TAF4: variants seen among roughly 807,000 people sequenced by gnomAD.
The protein encoded by TAF4 is transcription initiation factor TFIID subunit 4.
Under a neutral mutation model 90.3 loss-of-function variants are expected in TAF4, and 9 were observed. The observed-to-expected ratio is 0.10, with a 90% confidence interval of 0.06 to 0.17. The LOEUF is 0.17. TAF4 is among the 10% of genes least tolerant of loss of function. The pLI, the probability that TAF4 is intolerant of heterozygous loss-of-function variation, is 1.00. For synonymous variants in TAF4, 818 were observed against 638.9 expected, an observed-to-expected ratio of 1.28 and a Z score of -4.23; for missense variants, 1,351 against 1,370.7, an observed-to-expected ratio of 0.99 and a Z score of 0.23.
At chr20:61,994,110 A>C (rs914937528) in intron 14 of TAF4, among the ~76,000 whole-genome samples, 2 of 152,188 alleles carry the variant, frequency 1.3e-5, no homozygotes, top group Non-Finnish European at 2.9e-5. Flanking sequence ...ATCCAGGAAA[A>C]AAAAAAAAGG....
rs1170276790 is a variant in TAF4, at chr20:62,065,395, G to A, written c.416C>T (p.Pro139Leu). ...PPEGSAGSCA[P>L]VPAAAAVAAG... is the part of the protein sequence containing the mutation. ...GGCGACGGCGGCGGCGGCGGGCACC[G>A]GGGCGCAGGACCCCGCGCTGCCCTC... Residue 139 changes from proline to leucine, a missense_variant, in exon 1 of 15, where the codon CCG becomes CTG. By Grantham distance (98) the Pro-to-Leu change is moderately conservative (BLOSUM62 -3). Coordinates refer to ENST00000252996, the MANE Select transcript of TAF4 (RefSeq NM_003185.4). 6.3e-5 allele frequency: 61 copies of A among 972,964 alleles called. No individual in the cohort carries two copies. The highest frequency in any genetic ancestry group is 7.4e-5 in the Non-Finnish European group (61 of 823,406). The allele number at this position is 972,964 out of a possible 1,614,324, so 60.3% of individuals were successfully genotyped here. A position where few individuals can be genotyped will look rare whatever the true frequency, so the allele number is the denominator to read the frequency against.
chr20:62,029,676 G>C (rs2055893897), intron 1 of TAF4, among the ~76,000 whole-genome samples: 1 of 152,308 alleles, frequency 6.6e-6, no homozygotes, highest in East Asian at 1.9e-4. Context: ...GGGAGGCCGA[G>C]GCAGGCGGAT....
chr20:61,981,155 TCC>T (rs1433419774), intron 14 of TAF4: 2 of 152,038 alleles, frequency 1.3e-5, no homozygotes, highest in Non-Finnish European at 2.9e-5. Flanking sequence ...GACCTGGACT[TCC>T]CCATGTGGCC....
At chr20:61,984,282 G>A (rs1161079531) in intron 14 of TAF4, among the ~76,000 whole-genome samples, 5 of 152,160 alleles carry the variant, frequency 3.3e-5, no homozygotes, top group African/African-American at 9.7e-5. Flanking sequence ...CGTGGGACAC[G>A]TGTGAGGCTG....
chr20:62,062,822 G>C (rs893612042), intron 1 of TAF4, among the ~76,000 whole-genome samples: 2 of 152,188 alleles, frequency 1.3e-5, no homozygotes, highest in African/African-American at 4.8e-5. Flanking sequence ...CTCAGAGCAA[G>C]AGGACCTGGC....
In TAF4 at chr20:62,034,288, G is replaced by A. The variant is rs911086243; in HGVS notation, c.1361-19581C>T. ...AGATCAATATCCAAAATTCAACTGC[G>A]ATTCAACACACTATCAAAGAAGAAT... On this transcript the variant is annotated intron_variant, in intron 1 of 14. Transcript: ENST00000252996. Among the ~76,000 whole-genome samples the A allele has an allele frequency of 5.3e-5, 8 of 152,282 alleles. No homozygotes were observed. The East Asian group carries it at 1.2e-3, about 22-fold the overall frequency.
chr20:62,049,832 T>C (rs2056016238), intron 1 of TAF4, among the ~76,000 whole-genome samples: 1 of 152,130 alleles, frequency 6.6e-6, no homozygotes, highest in Non-Finnish European at 1.5e-5. Flanking sequence ...CCTCAGTGTC[T>C]CGTCCCTAGG....
intron 14 of TAF4, among the ~76,000 whole-genome samples, chr20:61,993,670 G>A (rs1052460378): frequency 1.3e-5 from 2 of 152,212 alleles, no homozygotes; most frequent in African/African-American, 4.8e-5. Context: ...TTTGGAGGGA[G>A]GTAAAAGCAG....
chr20:62,060,363 G>A (rs904274913), intron 1 of TAF4, among the ~76,000 whole-genome samples: 4 of 152,252 alleles, frequency 2.6e-5, no homozygotes, highest in South Asian at 2.1e-4. Context: ...TGCAGTGCTC[G>A]GGCACAGTAA....
intron 14 of TAF4, among the ~76,000 whole-genome samples, chr20:61,978,630 C>CG (rs2055512830): frequency 6.8e-6 from 1 of 148,002 alleles, no homozygotes; most frequent in East Asian, 2.0e-4. Context: ...AGGCCGGGGG[C>CG]AAGACGAACC....
chr20:62,059,247 G>A (rs955627720), intron 1 of TAF4, among the ~76,000 whole-genome samples: 11 of 152,204 alleles, frequency 7.2e-5, no homozygotes, highest in African/African-American at 1.4e-4. Flanking sequence ...GACCAACAGC[G>A]GACACCAGGT....
intron 14 of TAF4, among the ~76,000 whole-genome samples, chr20:61,984,193 A>C (rs79449405): frequency 4.8e-4 from 73 of 152,258 alleles, no homozygotes; most frequent in African/African-American, 1.7e-3. Flanking sequence ...CACGTGCCTC[A>C]GCCCTACGCA....
At chr20:62,005,813 C>T (rs1266889996) in intron 7 of TAF4, 1 of 152,222 alleles carries the variant, frequency 6.6e-6, no homozygotes, top group Non-Finnish European at 1.5e-5. Flanking sequence ...CATACCAGCT[C>T]ATGATGAGGG....
At chr20:62,057,049 C>T (rs747975814) in intron 1 of TAF4, among the ~76,000 whole-genome samples, 7 of 152,180 alleles carry the variant, frequency 4.6e-5, no homozygotes, top group South Asian at 4.2e-4. Flanking sequence ...CACGCTCCTC[C>T]GCAGAAGACA....
At chr20:62,001,244 T>C (rs979270852) in intron 9 of TAF4, among the ~76,000 whole-genome samples, 15 of 152,150 alleles carry the variant, frequency 9.9e-5, no homozygotes, top group Non-Finnish European at 1.6e-4. Flanking sequence ...CCATGATGAA[T>C]GGCCCCTCCC....
In TAF4 at chr20:61,974,974, G is replaced by GT. The variant is rs538931348; in HGVS notation, c.*1193dup. ...TTTCCTAAAAGACAAAATAAAAGGTGTAACAGTTCTCAGGTGTTGATAAAA... is the reference window on the plus strand; with the variant it reads ...TTTCCTAAAAGACAAAATAAAAGGTGTTAACAGTTCTCAGGTGTTGATAAAA... On this transcript the variant is annotated 3_prime_UTR_variant, in exon 15 of 15. Coordinates refer to ENST00000252996, the MANE Select transcript of TAF4 (RefSeq NM_003185.4). This position sits in a 1 kb window ranked among gnomAD's most constrained non-coding sequence, Gnocchi z 4.1. 2.8e-4 allele frequency: 42 copies of GT among 152,516 alleles called. No individual in the cohort carries two copies. The East Asian group carries it at 5.8e-3, about 21-fold the overall frequency. 9.4% of individuals were successfully genotyped at this position (152,516 alleles called of 1,614,324 possible). A position where few individuals can be genotyped will look rare whatever the true frequency, so the allele number is the denominator to read the frequency against.
intron 1 of TAF4, among the ~76,000 whole-genome samples, chr20:62,062,963 C>T (rs1333558829): frequency 6.6e-6 from 1 of 152,220 alleles, no homozygotes; most frequent in Non-Finnish European, 1.5e-5. Flanking sequence ...CATAATAGAT[C>T]ACAGCCATCA....
chr20:62,014,133 C>A (rs914729320), intron 2 of TAF4, among the ~76,000 whole-genome samples: 2 of 151,862 alleles, frequency 1.3e-5, no homozygotes, highest in African/African-American at 4.8e-5. Flanking sequence ...ACTCTTGGTG[C>A]CTTAAAAGTC....
intron 1 of TAF4, among the ~76,000 whole-genome samples, chr20:62,033,027 G>A (rs2055912961): frequency 6.6e-6 from 1 of 152,294 alleles, no homozygotes; most frequent in African/African-American, 2.4e-5. Context: ...GAAAAAAAGA[G>A]GGGAGGCAGC....
Sources: allele counts gnomAD v4.1 joint callset (sites outside exome capture counted in the v4.1 genomes callset), GRCh38; gene constraint gnomAD v4.1.1; non-coding constraint Gnocchi (gnomAD v3.1); transcripts MANE v1.5; gene names NCBI Gene and HGNC (gene_info 2026-07-23, HGNC 2026-07-21).